The following NTRK2 variants were observed in gnomAD, a reference collection of about 807,000 sequenced individuals.
The protein encoded by NTRK2 is neurotrophic receptor tyrosine kinase 2, also known as BDNF/NT-3 growth factors receptor.
Under a neutral mutation model 94.5 loss-of-function variants are expected in NTRK2, and 13 were observed. The observed-to-expected ratio is 0.14, with a 90% confidence interval of 0.09 to 0.22. NTRK2 has a LOEUF of 0.22. NTRK2 is among the 10% of genes least tolerant of loss of function. The pLI, the probability that NTRK2 is intolerant of heterozygous loss-of-function variation, is 1.00. For synonymous variants in NTRK2, 372 were observed against 407.4 expected (o/e 0.91, Z 1.05); for missense variants, 639 against 1,071.2 (o/e 0.60, Z 5.63).
At chr9:84,809,711 G>T (rs193019699) in intron 12 of NTRK2, among the ~76,000 whole-genome samples, 1 of 151,430 alleles carries the variant, frequency 6.6e-6, no homozygotes, top group Admixed American at 6.6e-5. Context: ...GTGAAACCCT[G>T]CCGCTACTAA....
chr9:84,742,789 G>GTTTTTTTTTTTTT (rs757253032), intron 10 of NTRK2, among the ~76,000 whole-genome samples: 1 of 103,706 alleles, frequency 9.6e-6, no homozygotes, highest in Non-Finnish European at 1.8e-5. Context: ...CATTATATTA[G>GTTTTTTTTTTTTT]TTTTTTTTTT....
intron 9 of NTRK2, among the ~76,000 whole-genome samples, chr9:84,729,197 A>ATTAT (rs1447516649): frequency 1.1e-4 from 16 of 152,294 alleles, no homozygotes; most frequent in African/African-American, 3.8e-4. Flanking sequence ...ATAAGTTCCT[A>ATTAT]TTATTTTGCT....
rs62562379 is a variant in NTRK2, at chr9:84,776,101, C to T, written c.1396+24016C>T. Among the ~76,000 whole-genome samples, 367 of 152,156 alleles carry T rather than the reference C, an allele frequency of 2.4e-3. 1 individual carries two copies. Among genetic ancestry groups the T allele is most frequent in the Non-Finnish European group, 4.2e-3 (285 of 68,010 alleles). ...GTATCTATAAAGCATCTCTGAGGCA[C>T]ACAGTTGGTACCTGTCTATCTATCC... On this transcript the variant is annotated intron_variant, in intron 12 of 18. Transcript: ENST00000277120.
At chr9:84,946,019 A>T (rs1473999338) in intron 15 of NTRK2, among the ~76,000 whole-genome samples, 1 of 152,174 alleles carries the variant, frequency 6.6e-6, no homozygotes, top group Non-Finnish European at 1.5e-5. Context: ...GCATGTCCCC[A>T]CAGGGAGAGA....
At chr9:85,008,592 G>A (rs1319954650) in intron 17 of NTRK2, among the ~76,000 whole-genome samples, 7 of 152,140 alleles carry the variant, frequency 4.6e-5, no homozygotes, top group East Asian at 3.9e-4. Flanking sequence ...GAGGTAAGAC[G>A]TAATAAGTAT....
At chr9:84,797,697 TTATATATACTATAATAATA>T (rs1638514472) in intron 12 of NTRK2, among the ~76,000 whole-genome samples, 1 of 81,932 alleles carries the variant, frequency 1.2e-5, no homozygotes, top group Non-Finnish European at 2.2e-5. Context: ...AATATATATA[TTATATATACTATAATAATA>T]TATATATTAT....
chr9:84,870,331 GTATATATATA>G (rs1158637577), intron 14 of NTRK2, among the ~76,000 whole-genome samples: 806 of 31,176 alleles, frequency 0.026, 32 homozygotes, highest in African/African-American at 0.067. Context: ...GTGTGTGTGT[GTATATATATA>G]TATATATATA....
Position 84,710,603 on chromosome 9 carries a change from G to T in NTRK2, c.429-34G>T, listed in dbSNP as rs780371164. 9 of 1,613,274 alleles carry T rather than the reference G, an allele frequency of 5.6e-6. No homozygotes were observed. In the Admixed American group the frequency reaches 1.5e-4, roughly 27 times the overall value. On this transcript the variant is annotated intron_variant, in intron 5 of 18. Transcript: ENST00000277120. ...ACTAATGTAGCTAAAATGGAAAAAGGAACTTGATCTGTTGTCATTTTTGTT... is the reference window on the plus strand; with the variant it reads ...ACTAATGTAGCTAAAATGGAAAAAGTAACTTGATCTGTTGTCATTTTTGTT...
chr9:84,772,528 A>G (rs2066659120), intron 12 of NTRK2, among the ~76,000 whole-genome samples: 1 of 152,134 alleles, frequency 6.6e-6, no homozygotes, highest in African/African-American at 2.4e-5. Flanking sequence ...TAAACATTTT[A>G]CTGAGCATGT....
intron 14 of NTRK2, among the ~76,000 whole-genome samples, chr9:84,919,628 T>C (rs2077500239): frequency 1.3e-5 from 2 of 152,218 alleles, no homozygotes; most frequent in Admixed American, 1.3e-4. Flanking sequence ...TGAGAGTACT[T>C]TATGAGCCTT....
intron 11 of NTRK2, among the ~76,000 whole-genome samples, chr9:84,746,720 C>A (rs1438048178): frequency 1.3e-5 from 2 of 152,196 alleles, no homozygotes; most frequent in East Asian, 3.9e-4. Context: ...GTGCTCCAGT[C>A]CTGCTCTTTG....
intron 12 of NTRK2, among the ~76,000 whole-genome samples, chr9:84,762,660 G>A (rs2065687210): frequency 6.6e-6 from 1 of 152,152 alleles, no homozygotes; most frequent in Non-Finnish European, 1.5e-5. Flanking sequence ...ACCTATCTCA[G>A]GCACAACCTG....
chr9:84,932,925 G>A (rs1439677407), intron 14 of NTRK2, among the ~76,000 whole-genome samples: 1 of 152,154 alleles, frequency 6.6e-6, no homozygotes, highest in Non-Finnish European at 1.5e-5. Context: ...GTTTACAATT[G>A]AAAAGAGACT....
intron 12 of NTRK2, among the ~76,000 whole-genome samples, chr9:84,756,899 C>G (rs961067542): frequency 6.6e-6 from 1 of 152,224 alleles, no homozygotes; most frequent in Non-Finnish European, 1.5e-5. Flanking sequence ...TATAAATGAT[C>G]TCTGAGTGTC....
chr9:84,929,176 C>T (rs2077930321), intron 14 of NTRK2, among the ~76,000 whole-genome samples: 2 of 152,044 alleles, frequency 1.3e-5, no homozygotes, highest in Admixed American at 1.3e-4. Context: ...GAATCTATAC[C>T]AGAATTTGAT....
At chr9:84,693,615 C>T (rs1165407032) in intron 2 of NTRK2, among the ~76,000 whole-genome samples, 1 of 152,144 alleles carries the variant, frequency 6.6e-6, no homozygotes, top group African/African-American at 2.4e-5. Flanking sequence ...CAAGCCAGGC[C>T]TTGAAACTGG....
intron 14 of NTRK2, among the ~76,000 whole-genome samples, chr9:84,930,167 T>C (rs1302308813): frequency 6.6e-6 from 1 of 152,208 alleles, no homozygotes; most frequent in African/African-American, 2.4e-5. Flanking sequence ...ATTACAAAAG[T>C]CTTACTCTCA....
At chr9:84,878,374 G>T (rs1014796185) in intron 14 of NTRK2, among the ~76,000 whole-genome samples, 1 of 152,028 alleles carries the variant, frequency 6.6e-6, no homozygotes, top group Non-Finnish European at 1.5e-5. Context: ...GGTGGCTCGC[G>T]TCTGTAATCC....
At chr9:84,702,473 C>T in intron 4 of NTRK2, 54 bp downstream of exon 4, 1 of 1,434,222 alleles carries the variant, frequency 7.0e-7, no homozygotes, top group Non-Finnish European at 9.8e-7. Context: ...TCAATATTTC[C>T]CCCCTCTGTT....
Sources: allele counts gnomAD v4.1 joint callset (sites outside exome capture counted in the v4.1 genomes callset), GRCh38; gene constraint gnomAD v4.1.1; transcripts MANE v1.5; gene names NCBI Gene and HGNC (gene_info 2026-07-23, HGNC 2026-07-21).